The following CLOCK variants were observed in gnomAD, a reference collection of about 807,000 sequenced individuals.
The protein encoded by CLOCK is circadian locomoter output cycles protein kaput.
Under a neutral mutation model 118.4 loss-of-function variants are expected in CLOCK, and 43 were observed. That is an observed-to-expected ratio of 0.36 (90% CI 0.28 to 0.47). The LOEUF (loss-of-function observed/expected upper bound fraction) is 0.47. Among genes scored for constraint, CLOCK ranks in the 20% least tolerant of loss-of-function variants. CLOCK has a pLI of 1.00. For synonymous variants in CLOCK, 326 were observed against 339.2 expected (o/e 0.96, Z 0.43); for missense variants, 846 against 999.9 (o/e 0.85, Z 2.08).
intron 3 of CLOCK, 149 bp from the exon 4 acceptor site, chr4:55,482,977 T>C (rs1419460713): frequency 2.2e-6 from 1 of 455,992 alleles, no homozygotes; most frequent in African/African-American, 2.0e-5. Context: ...AGCAAATACC[T>C]ATGGCTGAGG....
rs1312166642 is a variant in CLOCK at position 55,459,192 on chromosome 4, T to C, written c.629A>G (p.Tyr210Cys). ...ATTTCCTATAAATTTTACATATTCA[T>C]AGGTAGATGGCTCCTTTGGGTCTAT... ...GTIDPKEPST[Y>C]EYVKFIGNFK... The change falls in exon 10 of 23, where the codon TAT (tyrosine) becomes TGT (cysteine). Residue 210 changes from tyrosine to cysteine, a missense_variant. By Grantham distance (194) the Tyr-to-Cys change is radical (BLOSUM62 -2). Transcript: ENST00000513440. 3 of 1,611,160 alleles carry C rather than the reference T, an allele frequency of 1.9e-6. No individual in the cohort carries two copies. In the East Asian group the frequency reaches 6.7e-5, roughly 36 times the overall value.
At chr4:55,470,108 T>A (rs1327676258) in intron 8 of CLOCK, among the ~76,000 whole-genome samples, 1 of 152,176 alleles carries the variant, frequency 6.6e-6, no homozygotes, top group South Asian at 2.1e-4. Flanking sequence ...AAGTGTACAG[T>A]GTTTATAAAG....
chr4:55,444,591 T>C lies in CLOCK; in HGVS notation c.1692+42A>G, dbSNP rs751709234. ...AGTTAATTTTCCTAGAAATCCAAAA[T>C]GTGAATGGGATGCTTTGTTTGTATT... On this transcript the variant is annotated intron_variant, in intron 19 of 22. Transcript: ENST00000513440. 35 of 1,612,820 alleles carry C rather than the reference T, an allele frequency of 2.2e-5. No individual in the cohort carries two copies. The East Asian group carries it at 7.4e-4, about 34-fold the overall frequency.
rs35423850 is a variant in CLOCK, at chr4:55,463,733, A to G, written c.511T>C (p.Ser171Pro). The G allele has an allele frequency of 6.2e-6, 10 of 1,612,674 alleles. No homozygotes were observed. The African/African-American group carries it at 1.2e-4, about 19-fold the overall frequency. The part of the protein sequence containing the change: ...GEHSEVYKIL[S>P]THLLESDSLT... ...GAATCACTTTCCAGCAGATGAGTAG[A>G]GAGTATTTTATAAACCTCTGAATGT... The change falls in exon 9 of 23, where the codon TCT becomes CCT. Residue 171 changes from serine (S) to proline (P), a missense_variant. Transcript: ENST00000513440.
intron 1 of CLOCK, among the ~76,000 whole-genome samples, chr4:55,517,813 T>C (rs1434860601): frequency 6.6e-6 from 1 of 152,186 alleles, no homozygotes; most frequent in Non-Finnish European, 1.5e-5. Flanking sequence ...ATGTTGGCTT[T>C]TTCATTACTC....
At chr4:55,462,893 T>C (rs1283235551) in intron 9 of CLOCK, among the ~76,000 whole-genome samples, 1 of 152,118 alleles carries the variant, frequency 6.6e-6, no homozygotes, top group East Asian at 1.9e-4. Context: ...CAGTATGCTA[T>C]AGAATTTGAG....
chr4:55,511,353 A>G (rs1398061420), intron 1 of CLOCK, among the ~76,000 whole-genome samples: 1 of 152,176 alleles, frequency 6.6e-6, no homozygotes, highest in East Asian at 1.9e-4. Context: ...AGAAATGTCA[A>G]CAATACTTCT....
chr4:55,476,639 G>A (rs1726529970), intron 6 of CLOCK, among the ~76,000 whole-genome samples: 1 of 152,098 alleles, frequency 6.6e-6, no homozygotes, highest in Admixed American at 6.6e-5. Flanking sequence ...TTTTCTTAGT[G>A]TCCTCCTTGT....
chr4:55,517,774 C>CT (rs536865265), intron 1 of CLOCK, among the ~76,000 whole-genome samples: 155 of 152,152 alleles, frequency 1.0e-3, no homozygotes, highest in African/African-American at 3.3e-3. Context: ...AATCAATTTG[C>CT]TTAATGGTTA....
intron 22 of CLOCK, 86 bp from the exon 23 acceptor site, chr4:55,435,680 G>A (rs1309163396): frequency 1.4e-6 from 2 of 1,381,592 alleles, no homozygotes; most frequent in African/African-American, 1.4e-5. Context: ...CCTGTCCATA[G>A]GGACAAAATC....
At chr4:55,479,339 CA>C (rs1726754950) in intron 5 of CLOCK, among the ~76,000 whole-genome samples, 1 of 151,848 alleles carries the variant, frequency 6.6e-6, no homozygotes, top group Non-Finnish European at 1.5e-5. Context: ...AGTAAACAAA[CA>C]GCTATTGAGA....
At chr4:55,496,839 C>T (rs1488340423) in intron 2 of CLOCK, among the ~76,000 whole-genome samples, 4 of 152,110 alleles carry the variant, frequency 2.6e-5, no homozygotes, top group South Asian at 2.1e-4. Flanking sequence ...AAGACCTCTA[C>T]GTAAAACAAA....
intron 2 of CLOCK, among the ~76,000 whole-genome samples, chr4:55,496,921 C>T (rs1164903006): frequency 6.6e-6 from 1 of 152,178 alleles, no homozygotes; most frequent in Non-Finnish European, 1.5e-5. Context: ...TTGACCTTCA[C>T]AGAAAATCAT....
chr4:55,453,456 G>C, intron 14 of CLOCK: 1 of 489,816 alleles, frequency 2.0e-6, no homozygotes, highest in Non-Finnish European at 3.5e-6. Context: ...AACAACTTCT[G>C]CTGTAAAGCA....
At chr4:55,452,919 T>A in intron 15 of CLOCK, 135 bp downstream of exon 15, 1 of 653,098 alleles carries the variant, frequency 1.5e-6, no homozygotes, top group South Asian at 2.1e-5. Flanking sequence ...AAATAAGTAG[T>A]AAAGTATAAT....
intron 13 of CLOCK, among the ~76,000 whole-genome samples, chr4:55,455,135 T>A (rs984396375): frequency 2.0e-5 from 3 of 152,142 alleles, no homozygotes; most frequent in African/African-American, 7.2e-5. Flanking sequence ...TAGTTAAGCT[T>A]TAGTGAACAC....
chr4:55,524,931 T>C (rs1043728220), intron 1 of CLOCK, among the ~76,000 whole-genome samples: 1 of 132,464 alleles, frequency 7.5e-6, no homozygotes, highest in African/African-American at 2.8e-5. Context: ...AATGCAAAAA[T>C]CTTAAAAAAA....
Position 55,482,736 on chromosome 4 carries a change from T to C in CLOCK, c.47+3A>G. On this transcript the variant is annotated splice_donor_region_variant and intron_variant, in intron 4 of 22. Coordinates refer to ENST00000513440, the MANE Select transcript of CLOCK (RefSeq NM_004898.4). ...AACTTAAAATAAGTCTTCAAAAACA[T>C]ACCTGTCAACAATCGAGCTCATTTT... The C allele has an allele frequency of 6.2e-7, 1 of 1,600,204 alleles. No individual in the cohort carries two copies. The highest frequency in any genetic ancestry group is 8.5e-7 in the Non-Finnish European group (1 of 1,170,972).
At chr4:55,502,564 G>C (rs1011939762) in intron 2 of CLOCK, among the ~76,000 whole-genome samples, 1 of 152,144 alleles carries the variant, frequency 6.6e-6, no homozygotes, top group Admixed American at 6.5e-5. Context: ...TGCAATAGTT[G>C]TAACAGTCAA....
Sources: allele counts gnomAD v4.1 joint callset (sites outside exome capture counted in the v4.1 genomes callset), GRCh38; gene constraint gnomAD v4.1.1; transcripts MANE v1.5; gene names NCBI Gene and HGNC (gene_info 2026-07-23, HGNC 2026-07-21).